The following PLCXD3 variants were observed in gnomAD, a reference collection of about 807,000 sequenced individuals.
PLCXD3 encodes phosphatidylinositol specific phospholipase C X domain containing 3.
PLCXD3 carries 19 observed loss-of-function variants against 25.5 expected under a neutral mutation model. That is an observed-to-expected ratio of 0.75 (90% CI 0.52 to 1.09). The LOEUF is 1.09. Among genes scored for constraint, PLCXD3 ranks in the 50% least tolerant of loss-of-function variants. PLCXD3 has a pLI of 0.00. For missense variants in PLCXD3, 411 were observed against 388.1 expected (o/e 1.06, Z -0.50); for synonymous variants, 174 against 137.6 (o/e 1.26, Z -1.85).
chr5:41,352,345 C>T (rs899075125), intron 2 of PLCXD3, among the ~76,000 whole-genome samples: 2 of 152,126 alleles, frequency 1.3e-5, no homozygotes, highest in African/African-American at 2.4e-5. Flanking sequence ...TCTCTTTTTC[C>T]CCAGGTTCAC....
chr5:41,508,033 A>G (rs145696265), intron 1 of PLCXD3, among the ~76,000 whole-genome samples: 10 of 152,334 alleles, frequency 6.6e-5, no homozygotes, highest in African/African-American at 9.6e-5. Flanking sequence ...AAACAAATTT[A>G]CAGAAACATG....
intron 1 of PLCXD3, among the ~76,000 whole-genome samples, chr5:41,426,329 T>C (rs758761524): frequency 6.6e-6 from 1 of 152,032 alleles, no homozygotes; most frequent in Non-Finnish European, 1.5e-5. Flanking sequence ...TTTGTTTATA[T>C]TAATTATATC....
At chr5:41,366,680 C>T (rs1402000644) in intron 2 of PLCXD3, among the ~76,000 whole-genome samples, 1 of 152,188 alleles carries the variant, frequency 6.6e-6, no homozygotes, top group Non-Finnish European at 1.5e-5. Context: ...AAGTTCAGGG[C>T]TCCATGTGGA....
chr5:41,481,147 C>T (rs1408843809), intron 1 of PLCXD3, among the ~76,000 whole-genome samples: 3 of 142,828 alleles, frequency 2.1e-5, no homozygotes, highest in Non-Finnish European at 3.1e-5. Flanking sequence ...GGAAAAAAAG[C>T]TTGGACATGG....
intron 1 of PLCXD3, among the ~76,000 whole-genome samples, chr5:41,474,156 T>C (rs1035826029): frequency 6.6e-6 from 1 of 152,238 alleles, no homozygotes; most frequent in African/African-American, 2.4e-5. Context: ...GAGAGCTCCC[T>C]GCTTCTAGTG....
At chr5:41,428,888 G>A (rs1183150407) in intron 1 of PLCXD3, among the ~76,000 whole-genome samples, 1 of 152,052 alleles carries the variant, frequency 6.6e-6, no homozygotes, top group Non-Finnish European at 1.5e-5. Context: ...AATGGGATGA[G>A]GTAAAATAAC....
At chr5:41,393,738 T>G (rs1256177917) in intron 1 of PLCXD3, among the ~76,000 whole-genome samples, 1 of 151,716 alleles carries the variant, frequency 6.6e-6, no homozygotes, top group African/African-American at 2.4e-5. Context: ...GCTAACATGG[T>G]GAAACCCCGT....
rs1748871483 is a variant in PLCXD3, at chr5:41,497,727, CATTCTTCTCAAGCACACATGGA to C, written c.103+12675_103+12696del. 2.6e-5 allele frequency among the ~76,000 whole-genome samples: 4 copies of C among 151,818 alleles called. No individual in the cohort carries two copies. In the South Asian group the frequency reaches 8.3e-4, roughly 31 times the overall value. ...TTTCATTTAACAACAGCAGAATACACATTCTTCTCAAGCACACATGGAATGTTCTCCAAGGTTGATCACACGA... is the reference window on the plus strand; with the variant it reads ...TTTCATTTAACAACAGCAGAATACACATGTTCTCCAAGGTTGATCACACGA... On this transcript the variant is annotated intron_variant, in intron 1 of 2. Coordinates refer to ENST00000377801, the MANE Select transcript of PLCXD3 (RefSeq NM_001005473.3).
chr5:41,467,007 G>A (rs946316208), intron 1 of PLCXD3, among the ~76,000 whole-genome samples: 1 of 152,080 alleles, frequency 6.6e-6, no homozygotes, highest in African/African-American at 2.4e-5. Context: ...GAATGGTGCT[G>A]CAATGAACAT....
chr5:41,439,284 A>C (rs1193715773), intron 1 of PLCXD3, among the ~76,000 whole-genome samples: 2 of 152,204 alleles, frequency 1.3e-5, no homozygotes, highest in Non-Finnish European at 2.9e-5. Context: ...CTACTTGCCT[A>C]TCCAACATTT....
intron 1 of PLCXD3, among the ~76,000 whole-genome samples, chr5:41,409,683 G>A (rs180704296): frequency 8.5e-5 from 13 of 152,230 alleles, no homozygotes; most frequent in African/African-American, 2.6e-4. Flanking sequence ...TATAGAATCT[G>A]TCTTGTTCGC....
chr5:41,389,512 A>G (rs566642062), intron 1 of PLCXD3, among the ~76,000 whole-genome samples: 1 of 152,272 alleles, frequency 6.6e-6, no homozygotes, highest in East Asian at 1.9e-4. Flanking sequence ...ATATCCCAAC[A>G]TGAGAAGAGC....
chr5:41,438,639 C>T (rs1302761443), intron 1 of PLCXD3, among the ~76,000 whole-genome samples: 1 of 152,138 alleles, frequency 6.6e-6, no homozygotes, highest in Non-Finnish European at 1.5e-5. Flanking sequence ...ATAAACCCTG[C>T]CCTAATCACC....
At chr5:41,365,370 T>A (rs1404107381) in intron 2 of PLCXD3, among the ~76,000 whole-genome samples, 1 of 152,184 alleles carries the variant, frequency 6.6e-6, no homozygotes, top group East Asian at 1.9e-4. Flanking sequence ...GCTGAAGAAG[T>A]CACTTTTGCC....
chr5:41,392,192 G>A (rs1363471167), intron 1 of PLCXD3, among the ~76,000 whole-genome samples: 1 of 152,186 alleles, frequency 6.6e-6, no homozygotes, highest in Non-Finnish European at 1.5e-5. Context: ...TACAGCCCCA[G>A]GGCATTGAGT....
At chr5:41,319,720 A>G (rs1180385735) in intron 2 of PLCXD3, among the ~76,000 whole-genome samples, 1 of 152,100 alleles carries the variant, frequency 6.6e-6, no homozygotes, top group African/African-American at 2.4e-5. Flanking sequence ...CCAAGAAAAA[A>G]CCAAACCCCA....
At chr5:41,444,282 A>G (rs1172569430) in intron 1 of PLCXD3, among the ~76,000 whole-genome samples, 1 of 152,202 alleles carries the variant, frequency 6.6e-6, no homozygotes, top group Non-Finnish European at 1.5e-5. Flanking sequence ...GAGGGTTAAT[A>G]TTATCATCAA....
At chr5:41,321,801 T>C (rs927077766) in intron 2 of PLCXD3, among the ~76,000 whole-genome samples, 5 of 152,146 alleles carry the variant, frequency 3.3e-5, no homozygotes, top group African/African-American at 1.2e-4. Flanking sequence ...TTGACAAAGG[T>C]GCCACAAACA....
At chr5:41,348,447 A>C (rs1289573371) in intron 2 of PLCXD3, among the ~76,000 whole-genome samples, 1 of 152,178 alleles carries the variant, frequency 6.6e-6, no homozygotes, top group Non-Finnish European at 1.5e-5. Flanking sequence ...ACCAGAAAAA[A>C]ACATTCCTGG....
Sources: gnomAD v4.1 joint callset for allele counts (sites outside exome capture counted in the v4.1 genomes callset) on GRCh38, gnomAD v4.1.1 for gene constraint, MANE v1.5 for transcripts, NCBI Gene and HGNC (gene_info 2026-07-23, HGNC 2026-07-21) for gene names.